Variants in ROR1 observed in about 807,000 individuals in gnomAD.
ROR1 encodes ROR family WNT receptor 1, also known as inactive tyrosine-protein kinase transmembrane receptor ROR1.
A neutral mutation model predicts 78.8 loss-of-function variants in ROR1; 19 were observed. That is an observed-to-expected ratio of 0.24 (90% CI 0.17 to 0.35). The LOEUF (loss-of-function observed/expected upper bound fraction) is 0.35. Among genes scored for constraint, ROR1 ranks in the 10% least tolerant of loss-of-function variants. The pLI, the probability that ROR1 is intolerant of heterozygous loss-of-function variation, is 1.00. For synonymous variants in ROR1, 386 were observed against 433.6 expected (o/e 0.89, Z 1.36); for missense variants, 917 against 1,177.8 (o/e 0.78, Z 3.24).
rs546867381 is a variant in ROR1 at position 64,034,916 on chromosome 1, A to G, written c.164-14775A>G. 2.3e-5 allele frequency among the ~76,000 whole-genome samples: 3 copies of G among 132,774 alleles called. No individual in the cohort carries two copies. The East Asian group carries it at 6.4e-4, about 28-fold the overall frequency. The allele number at this position is 132,774 out of a possible 152,430, so 87.1% of individuals were successfully genotyped here. On this transcript the variant is annotated intron_variant, in intron 2 of 8. Transcript: ENST00000371079. ...TATTCAGTATCATTAATCTCGAGGT[A>G]GATACCTACCTTTCCATAGACTCTC...
intron 1 of ROR1, among the ~76,000 whole-genome samples, chr1:63,967,482 T>TC (rs1334313058): frequency 6.6e-6 from 1 of 152,166 alleles, no homozygotes; most frequent in Non-Finnish European, 1.5e-5. Flanking sequence ...TGCCTCAGTC[T>TC]CCTGAGTAGC....
intron 1 of ROR1, among the ~76,000 whole-genome samples, chr1:63,802,026 A>G (rs1436571470): frequency 6.6e-6 from 1 of 152,208 alleles, no homozygotes; most frequent in African/African-American, 2.4e-5. Flanking sequence ...CTTGTCTTAG[A>G]GTTAACACAG....
At chr1:64,032,528 C>A (rs750115088) in intron 2 of ROR1, among the ~76,000 whole-genome samples, 6 of 151,988 alleles carry the variant, frequency 3.9e-5, no homozygotes, top group Non-Finnish European at 5.9e-5. Flanking sequence ...ACAGACATGA[C>A]CCAAAGAAAA....
chr1:63,775,921 T>C (rs1318526614), intron 1 of ROR1, among the ~76,000 whole-genome samples: 1 of 152,250 alleles, frequency 6.6e-6, no homozygotes. Flanking sequence ...TGAAAAATCC[T>C]AATGAAATGT....
At chr1:64,108,842 A>T (rs773637513) in intron 4 of ROR1, among the ~76,000 whole-genome samples, 1 of 152,314 alleles carries the variant, frequency 6.6e-6, no homozygotes, top group South Asian at 2.1e-4. Flanking sequence ...CTTCTGTTAT[A>T]TGGGTCACCC....
chr1:64,077,870 G>A (rs1647065434), intron 4 of ROR1, among the ~76,000 whole-genome samples: 1 of 152,200 alleles, frequency 6.6e-6, no homozygotes, highest in South Asian at 2.1e-4. Context: ...GCCTTATGTT[G>A]ATGCAGTCAT....
chr1:63,828,292 C>G (rs1349191271), intron 1 of ROR1, among the ~76,000 whole-genome samples: 1 of 152,146 alleles, frequency 6.6e-6, no homozygotes, highest in African/African-American at 2.4e-5. Context: ...GCTTATAAAT[C>G]CTTATTTTTG....
chr1:63,777,856 C>T lies in ROR1; in HGVS notation c.91+3348C>T, dbSNP rs560646082. On this transcript the variant is annotated intron_variant, in intron 1 of 8. Transcript: ENST00000371079. ...TACAGATAGCATATGTATATACACA[C>T]ATATATAGTAAGTGGTCCATAGATA... Among the ~76,000 whole-genome samples, 463 of 152,302 alleles carry T rather than the reference C, an allele frequency of 3.0e-3. 5 individuals are homozygous for T. The highest frequency in any genetic ancestry group is 0.011 in the African/African-American group (438 of 41,538).
chr1:63,868,533 A>G (rs536158833), intron 1 of ROR1, among the ~76,000 whole-genome samples: 6 of 152,232 alleles, frequency 3.9e-5, no homozygotes, highest in Non-Finnish European at 7.3e-5. Flanking sequence ...CTTGAACTTC[A>G]GTTTCTAAAT....
At chr1:63,912,463 T>A (rs182552052) in intron 1 of ROR1, among the ~76,000 whole-genome samples, 1 of 152,054 alleles carries the variant, frequency 6.6e-6, no homozygotes, top group South Asian at 2.1e-4. Flanking sequence ...CTGAGGGAAG[T>A]GGAGAAAGGC....
chr1:64,014,740 C>CTATGTGTATATATATATATA (rs1646504735), intron 2 of ROR1, among the ~76,000 whole-genome samples: 2 of 29,048 alleles, frequency 6.9e-5, no homozygotes, highest in African/African-American at 2.2e-4. Context: ...CATACGCACA[C>CTATGTGTATATATATATATA]TATATATATA....
At chr1:64,146,524 T>C (rs1048696451) in intron 7 of ROR1, among the ~76,000 whole-genome samples, 2 of 152,164 alleles carry the variant, frequency 1.3e-5, no homozygotes. Context: ...TGTTCCACCC[T>C]AGGTAAACAC....
At chr1:63,825,632 T>G (rs1167474875) in intron 1 of ROR1, among the ~76,000 whole-genome samples, 4 of 152,258 alleles carry the variant, frequency 2.6e-5, no homozygotes. Context: ...CTAAAATTAT[T>G]GAACTGTACA....
At chr1:63,883,892 G>A (rs1324989318) in intron 1 of ROR1, among the ~76,000 whole-genome samples, 1 of 152,182 alleles carries the variant, frequency 6.6e-6, no homozygotes, top group Non-Finnish European at 1.5e-5. Context: ...GCTCAGAGGC[G>A]AGGAGGTGAG....
intron 1 of ROR1, among the ~76,000 whole-genome samples, chr1:63,968,565 C>A (rs1043616131): frequency 1.3e-5 from 2 of 151,882 alleles, no homozygotes; most frequent in Non-Finnish European, 2.9e-5. Flanking sequence ...GTAATAAACA[C>A]CAAAAATGTC....
At chr1:64,126,518 A>G (rs1648718912) in intron 4 of ROR1, among the ~76,000 whole-genome samples, 1 of 152,196 alleles carries the variant, frequency 6.6e-6, no homozygotes, top group South Asian at 2.1e-4. Context: ...GAGAGCTTAC[A>G]CTAGAGTAAC....
At chr1:63,868,405 G>C (rs1024747020) in intron 1 of ROR1, among the ~76,000 whole-genome samples, 7 of 152,146 alleles carry the variant, frequency 4.6e-5, no homozygotes, top group South Asian at 2.1e-4. Context: ...GCAGAGGGAG[G>C]CTGGGCCATA....
intron 1 of ROR1, among the ~76,000 whole-genome samples, chr1:63,983,993 T>G (rs1646231535): frequency 6.6e-6 from 1 of 152,200 alleles, no homozygotes; most frequent in Non-Finnish European, 1.5e-5. Context: ...AAGGCACACA[T>G]AACCCTTTCT....
chr1:64,075,397 C>A (rs1379045375), intron 4 of ROR1, among the ~76,000 whole-genome samples: 1 of 152,156 alleles, frequency 6.6e-6, no homozygotes, highest in Non-Finnish European at 1.5e-5. Flanking sequence ...CTTCTCTCAG[C>A]CTTAGTTTCC....
Sources: gnomAD v4.1 joint callset for allele counts (sites outside exome capture counted in the v4.1 genomes callset) on GRCh38, gnomAD v4.1.1 for gene constraint, MANE v1.5 for transcripts, NCBI Gene and HGNC (gene_info 2026-07-23, HGNC 2026-07-21) for gene names.